RELL1: variants seen among roughly 807,000 people sequenced by gnomAD.
RELL1 encodes the protein RELT-like protein 1.
RELL1 carries 10 observed loss-of-function variants against 23.0 expected under a neutral mutation model. The ratio of observed to expected loss-of-function variants is 0.43; its 90% CI spans 0.27 to 0.74. The LOEUF (loss-of-function observed/expected upper bound fraction) is 0.74. RELL1 is among the 30% of genes least tolerant of loss of function. The pLI is 0.19. For missense variants in RELL1, 315 were observed against 364.4 expected (o/e 0.86, Z 1.10); for synonymous variants, 146 against 146.8 (o/e 0.99, Z 0.04).
chr4:37,674,605 AC>A (rs796283187), intron 1 of RELL1, among the ~76,000 whole-genome samples: 75 of 152,370 alleles, frequency 4.9e-4, no homozygotes, highest in African/African-American at 1.6e-3. Flanking sequence ...GCCATCTGCC[AC>A]TTCACCAATG....
At chr4:37,643,413 T>A (rs1342542422) in intron 3 of RELL1, among the ~76,000 whole-genome samples, 2 of 152,204 alleles carry the variant, frequency 1.3e-5, no homozygotes, top group East Asian at 3.8e-4. Context: ...AGTTCAAATA[T>A]CACCCCATTT....
At chr4:37,678,165 AG>A in intron 1 of RELL1, among the ~76,000 whole-genome samples, 1 of 152,216 alleles carries the variant, frequency 6.6e-6, no homozygotes, top group South Asian at 2.1e-4. Flanking sequence ...AGCAAGAGAG[AG>A]TTGGGGGGGA....
intron 6 of RELL1, among the ~76,000 whole-genome samples, chr4:37,600,780 C>CGTGTATGTGT (rs1553871085): frequency 6.8e-6 from 1 of 147,568 alleles, no homozygotes; most frequent in African/African-American, 2.5e-5. Flanking sequence ...TGGATTTGTG[C>CGTGTATGTGT]GTGTGTGTGT....
intron 3 of RELL1, among the ~76,000 whole-genome samples, chr4:37,646,824 C>T (rs1720724082): frequency 6.6e-6 from 1 of 152,126 alleles, no homozygotes; most frequent in Non-Finnish European, 1.5e-5. Context: ...AAATCCTGAG[C>T]TCAAGTGATC....
intron 3 of RELL1, among the ~76,000 whole-genome samples, chr4:37,647,157 C>T (rs1720737837): frequency 1.3e-5 from 2 of 152,186 alleles, no homozygotes; most frequent in South Asian, 4.1e-4. Context: ...ACAGCGCCTC[C>T]AGGGCTGGGT....
At chr4:37,650,441 C>A (rs9790618) in intron 1 of RELL1, among the ~76,000 whole-genome samples, 3,796 of 152,270 alleles carry the variant, frequency 0.025, 189 homozygotes, top group East Asian at 0.13. Flanking sequence ...CGTAACGTAG[C>A]CCCTGCCATC....
intron 1 of RELL1, among the ~76,000 whole-genome samples, chr4:37,666,491 A>C (rs1360375948): frequency 1.3e-5 from 2 of 152,248 alleles, no homozygotes; most frequent in Non-Finnish European, 2.9e-5. Context: ...ACTAGGGTTT[A>C]TCCAAGTTAA....
At chr4:37,607,073 G>A (rs1324325301), downstream of RELL1, among the ~76,000 whole-genome samples, 3 of 152,146 alleles carry the variant, frequency 2.0e-5, no homozygotes, top group Non-Finnish European at 4.4e-5. Context: ...GAAACACCTA[G>A]GTTGAGGGAG....
downstream of RELL1, among the ~76,000 whole-genome samples, chr4:37,606,024 G>A (rs747877962): frequency 8.3e-6 from 1 of 120,182 alleles, no homozygotes; most frequent in African/African-American, 2.8e-5. This position sits in a 1 kb window ranked among gnomAD's most constrained non-coding sequence, Gnocchi z 4.1. Context: ...AAGAGAAAGA[G>A]AAGGAAGGAG....
chr4:37,674,044 CA>C (rs1026744887), intron 1 of RELL1, among the ~76,000 whole-genome samples: 1 of 152,204 alleles, frequency 6.6e-6, no homozygotes, highest in African/African-American at 2.4e-5. Flanking sequence ...TGCCAAGTTT[CA>C]GGCTATGAAT....
chr4:37,590,157 T>A, downstream of RELL1: 1 of 1,614,178 alleles, frequency 6.2e-7, no homozygotes, highest in South Asian at 1.1e-5. Flanking sequence ...GCAAGCTAGA[T>A]GAAGACGACA....
intron 3 of RELL1, among the ~76,000 whole-genome samples, chr4:37,641,603 G>A (rs549821178): frequency 8.5e-5 from 13 of 152,156 alleles, no homozygotes; most frequent in Non-Finnish European, 1.8e-4. Flanking sequence ...TAGGCACAGG[G>A]CAAGGAAACT....
chr4:37,619,645 A>G (rs1313809337), intron 6 of RELL1, among the ~76,000 whole-genome samples: 1 of 151,964 alleles, frequency 6.6e-6, no homozygotes, highest in Non-Finnish European at 1.5e-5. Context: ...CTGACTCACT[A>G]CAGCCTCCAA....
At chr4:37,668,421 T>C (rs1721621119) in intron 1 of RELL1, among the ~76,000 whole-genome samples, 2 of 152,182 alleles carry the variant, frequency 1.3e-5, no homozygotes, top group African/African-American at 2.4e-5. Context: ...TTTCGCTGTG[T>C]TGGCCAGGCT....
At chr4:37,606,152 GAAAGA>G (rs1181112639), downstream of RELL1, among the ~76,000 whole-genome samples, 1 of 139,638 alleles carries the variant, frequency 7.2e-6, no homozygotes, top group African/African-American at 2.7e-5. This position sits in a 1 kb window ranked among gnomAD's most constrained non-coding sequence, Gnocchi z 4.1. Context: ...GGGAGAGAGA[GAAAGA>G]AAAGAAAGAA....
rs1221752145 is a variant in RELL1, at chr4:37,612,533, G to C, written c.*813C>G. 6.6e-6 allele frequency among the ~76,000 whole-genome samples: 1 copy of C among 151,668 alleles called. No individual in the cohort carries two copies. Among genetic ancestry groups the C allele is most frequent in the Non-Finnish European group, 1.5e-5 (1 of 67,962 alleles). Reference sequence around the variant, plus strand: ...TGCCTGTAATCCCAGCTACTTGGGAGGCTGAGGCAGGAGAATCGCTTGAAC... The same window carrying C: ...TGCCTGTAATCCCAGCTACTTGGGACGCTGAGGCAGGAGAATCGCTTGAAC... On this transcript the variant is annotated 3_prime_UTR_variant, in exon 7 of 7. Coordinates refer to ENST00000454158, the MANE Select transcript of RELL1 (RefSeq NM_001085400.2).
At chr4:37,674,258 A>G (rs1045778161) in intron 1 of RELL1, among the ~76,000 whole-genome samples, 6 of 152,250 alleles carry the variant, frequency 3.9e-5, no homozygotes, top group African/African-American at 1.4e-4. Flanking sequence ...ACATACCTAC[A>G]TAGCACCTGA....
intron 6 of RELL1, among the ~76,000 whole-genome samples, chr4:37,625,719 T>G (rs553159762): frequency 2.6e-5 from 4 of 152,190 alleles, no homozygotes; most frequent in Non-Finnish European, 5.9e-5. Flanking sequence ...TTAATAACAA[T>G]GTATTGTATT....
chr4:37,665,987 C>T (rs1721517492), intron 1 of RELL1, among the ~76,000 whole-genome samples: 1 of 152,122 alleles, frequency 6.6e-6, no homozygotes, highest in Non-Finnish European at 1.5e-5. Context: ...TGGCCCAGCA[C>T]CCGACCAGGC....
Sources: gnomAD v4.1 joint callset for allele counts (sites outside exome capture counted in the v4.1 genomes callset) on GRCh38, gnomAD v4.1.1 for gene constraint, Gnocchi (gnomAD v3.1) non-coding constraint, MANE v1.5 for transcripts, NCBI Gene and HGNC (gene_info 2026-07-23, HGNC 2026-07-21) for gene names.